The following DMXL1 variants were observed in gnomAD, a reference collection of about 807,000 sequenced individuals.
DMXL1 encodes the protein Dmx like 1, also known as dmX-like protein 1.
Under a neutral mutation model 319.2 loss-of-function variants are expected in DMXL1, and 99 were observed. That is an observed-to-expected ratio of 0.31 (90% CI 0.26 to 0.37). DMXL1 has a LOEUF of 0.37. DMXL1 is among the 10% of genes least tolerant of loss of function. The probability of loss-of-function intolerance (pLI) is 1.00; values close to 1 mark genes in which losing one functional copy is unlikely to be tolerated. For missense variants in DMXL1, 3,745 were observed against 3,595.6 expected (o/e 1.04, Z -1.06); for synonymous variants, 1,385 against 1,235.2 (o/e 1.12, Z -2.54).
intron 38 of DMXL1, among the ~76,000 whole-genome samples, chr5:119,232,882 G>A (rs1787039013): frequency 6.6e-6 from 1 of 151,402 alleles, no homozygotes; most frequent in Non-Finnish European, 1.5e-5. Context: ...GGCCAATCAG[G>A]ATAACTTTTA....
intron 38 of DMXL1, among the ~76,000 whole-genome samples, chr5:119,227,736 A>G (rs1012544382): frequency 6.6e-6 from 1 of 152,164 alleles, no homozygotes; most frequent in Non-Finnish European, 1.5e-5. Context: ...AGCCTTGGTA[A>G]TACGACCGAT....
At chr5:119,082,024 C>T (rs62374132) in intron 1 of DMXL1, among the ~76,000 whole-genome samples, 12,268 of 57,844 alleles carry the variant, frequency 0.21, 613 homozygotes, top group East Asian at 0.45. Flanking sequence ...TATATATACA[C>T]ACACACACAC....
intron 13 of DMXL1, among the ~76,000 whole-genome samples, chr5:119,140,588 A>G (rs1767083903): frequency 6.6e-6 from 1 of 152,086 alleles, no homozygotes; most frequent in Admixed American, 6.6e-5. Context: ...ACAGACTAAT[A>G]CGAGCTCCGA....
rs1410700878 is a variant in DMXL1, at chr5:119,133,392, C to T, written c.1569+7C>T. ...TATGTTTCGTCAAGTACAGGTACTA[C>T]TGTTATTTCTGGAGAGCTACTTCCT... On this transcript the variant is annotated splice_region_variant and intron_variant, in intron 11 of 43. Coordinates refer to ENST00000539542, the MANE Select transcript of DMXL1 (RefSeq NM_001290321.3). 1 of 1,605,394 alleles carries T rather than the reference C, an allele frequency of 6.2e-7. No individual in the cohort carries two copies. The highest frequency in any genetic ancestry group is 1.1e-5 in the South Asian group (1 of 90,066).
rs70982467 is a variant in DMXL1, at chr5:119,089,999, C to CTTTTT, written c.88-7946_88-7942dup. On this transcript the variant is annotated intron_variant, in intron 1 of 43. Transcript: ENST00000539542. ...TGATTATTTTATGCTTCGGGTTAGT[C>CTTTTT]TTTTTTTTTTTTTTTTTTTTTTTTT... Among the ~76,000 whole-genome samples, 43 of 34,402 alleles carry CTTTTT rather than the reference C, an allele frequency of 1.2e-3. 13 individuals carry two copies. Among genetic ancestry groups the CTTTTT allele is most frequent in the Non-Finnish European group, 1.8e-3 (33 of 18,760 alleles). 22.6% of individuals were successfully genotyped at this position (34,402 alleles called of 152,430 possible). A position where few individuals can be genotyped will look rare whatever the true frequency, so the allele number is the denominator to read the frequency against.
At chr5:119,140,058 G>T (rs1766959629) in intron 13 of DMXL1, among the ~76,000 whole-genome samples, 1 of 152,160 alleles carries the variant, frequency 6.6e-6, no homozygotes, top group East Asian at 1.9e-4. Flanking sequence ...AAACCAAGAA[G>T]TTCTCTGAAA....
intron 13 of DMXL1, among the ~76,000 whole-genome samples, chr5:119,137,417 A>G (rs1408565195): frequency 2.0e-5 from 3 of 152,118 alleles, no homozygotes; most frequent in African/African-American, 7.2e-5. Flanking sequence ...TGCTGTAAGG[A>G]GTTAAGACTT....
At chr5:119,168,039 CAAAG>C (rs936472282) in intron 23 of DMXL1, among the ~76,000 whole-genome samples, 175 bp downstream of exon 23, 1 of 152,136 alleles carries the variant, frequency 6.6e-6, no homozygotes. Context: ...CCTTTGAAAA[CAAAG>C]AACGTTGGAT....
intron 30 of DMXL1, among the ~76,000 whole-genome samples, chr5:119,195,399 G>C (rs1169810129): frequency 6.6e-6 from 1 of 152,198 alleles, no homozygotes; most frequent in Non-Finnish European, 1.5e-5. Context: ...ACGTTCAACG[G>C]AGTATTATTC....
Position 119,105,121 on chromosome 5 carries a change from A to G in DMXL1, c.286-59A>G, listed in dbSNP as rs549968397. On this transcript the variant is annotated intron_variant, in intron 3 of 43. Coordinates refer to ENST00000539542, the MANE Select transcript of DMXL1 (RefSeq NM_001290321.3). ...GTAAGAATAACAAGCATAAACGTAC[A>G]CATTTGACAGAGAAAATATGCCAAT... 8 of 1,076,302 alleles carry G rather than the reference A, an allele frequency of 7.4e-6. No individual in the cohort carries two copies. In the East Asian group the frequency reaches 1.9e-4, roughly 26 times the overall value. The allele number at this position is 1,076,302 out of a possible 1,614,324, so 66.7% of individuals were successfully genotyped here. A position where few individuals can be genotyped will look rare whatever the true frequency, so the allele number is the denominator to read the frequency against.
chr5:119,229,271 A>G (rs186583358), intron 38 of DMXL1, among the ~76,000 whole-genome samples: 52 of 152,288 alleles, frequency 3.4e-4, no homozygotes, highest in African/African-American at 1.2e-3. Flanking sequence ...CTAAAAAGAC[A>G]TGAAGCACAG....
intron 13 of DMXL1, among the ~76,000 whole-genome samples, chr5:119,135,741 C>G (rs530406645): frequency 6.6e-6 from 1 of 152,320 alleles, no homozygotes; most frequent in East Asian, 1.9e-4. Flanking sequence ...GAAGAAGGTG[C>G]TTGCTTCTCC....
chr5:119,237,408 A>G lies in DMXL1; in HGVS notation c.8553A>G (p.Pro2851=), dbSNP rs1344482591. The G allele has an allele frequency of 4.4e-6, 7 of 1,595,760 alleles. No individual in the cohort carries two copies. Among genetic ancestry groups the G allele is most frequent in the East Asian group, 2.2e-5 (1 of 44,626 alleles). The change falls in exon 40 of 44, where the codon CCA becomes CCG. Residue 2851 remains proline (P), a synonymous_variant. Transcript: ENST00000539542. ...CAGTTACTGGAAGCATGCCTAAGCC[A>G]TACCTGGTAAGCCAAGAATTTCTAC... ...CCPVTGSMPK[P]YLTWQCHNKT... is the part of the protein sequence containing the mutation.
intron 34 of DMXL1, among the ~76,000 whole-genome samples, chr5:119,212,064 A>G (rs989152402): frequency 2.0e-5 from 3 of 152,228 alleles, no homozygotes; most frequent in Non-Finnish European, 2.9e-5. Context: ...TATAAATAAC[A>G]TAAAAGTTAC....
At chr5:119,167,491 A>G in intron 22 of DMXL1, 112 bp from the exon 23 acceptor site, 1 of 862,060 alleles carries the variant, frequency 1.2e-6, no homozygotes, top group South Asian at 1.7e-5. Flanking sequence ...TTCTTTGCTA[A>G]TTTTGGATAT....
intron 10 of DMXL1, among the ~76,000 whole-genome samples, chr5:119,132,212 A>G (rs777325612): frequency 3.9e-5 from 6 of 152,196 alleles, no homozygotes; most frequent in African/African-American, 9.7e-5. Flanking sequence ...ATATGTGACA[A>G]TTGATCTGGC....
chr5:119,218,479 C>T (rs1208196614), intron 35 of DMXL1, among the ~76,000 whole-genome samples: 4 of 151,562 alleles, frequency 2.6e-5, no homozygotes, highest in South Asian at 2.1e-4. Context: ...TATTTTGAGA[C>T]GGAGTCTCGC....
rs113587616 is a variant in DMXL1 at position 119,149,538 on chromosome 5, G to T, written c.3711G>T (p.Val1237=). The T allele has an allele frequency of 1.2e-5, 19 of 1,613,950 alleles. No homozygotes were observed. In the African/African-American group the frequency reaches 2.0e-4, roughly 17 times the overall value. The change falls in exon 18 of 44, where the codon GTG becomes GTT. Residue 1237 remains valine (V), a synonymous_variant. Transcript: ENST00000539542. ...TAGGAATGGACTGTGAAATGCATGT[G>T]TATTGCCAATGGCAACCATCTTCTA... The part of the protein sequence containing the change: ...LVVGMDCEMH[V]YCQWQPSSKQ...
intron 6 of DMXL1, 54 bp from the exon 7 acceptor site, chr5:119,116,104 T>A: frequency 6.6e-7 from 1 of 1,504,150 alleles, no homozygotes; most frequent in Non-Finnish European, 9.0e-7. Context: ...GCTATTTGAT[T>A]TAATCTTTAA....
Sources: allele counts gnomAD v4.1 joint callset (sites outside exome capture counted in the v4.1 genomes callset), GRCh38; gene constraint gnomAD v4.1.1; transcripts MANE v1.5; gene names NCBI Gene and HGNC (gene_info 2026-07-23, HGNC 2026-07-21).